Variants in PXDN observed in about 807,000 individuals in gnomAD.
PXDN encodes peroxidasin.
PXDN carries 77 observed loss-of-function variants against 140.3 expected under a neutral mutation model. The ratio of observed to expected loss-of-function variants is 0.55; its 90% CI spans 0.46 to 0.66. The LOEUF (loss-of-function observed/expected upper bound fraction) is 0.66. Ranked by LOEUF, PXDN falls within the 30% of genes least tolerant of loss-of-function variation. PXDN has a pLI of 0.00. For missense variants in PXDN, 1,838 were observed against 2,039.5 expected (o/e 0.90, Z 1.90); for synonymous variants, 911 against 857.4 (o/e 1.06, Z -1.09).
Position 1,661,957 on chromosome 2 carries a change from A to C in PXDN, c.1680+115T>G, listed in dbSNP as rs1379301092. 3 of 855,754 alleles carry C rather than the reference A, an allele frequency of 3.5e-6. No homozygotes were observed. In the East Asian group the frequency reaches 8.0e-5, roughly 23 times the overall value. The allele number at this position is 855,754 out of a possible 1,614,324, so 53.0% of individuals were successfully genotyped here. The stretch of plus-strand genomic sequence containing the variant: ...CCCATCATACCCCACAGCAGAGGGG[A>C]GGCTGGGGCGTGGGCACTGGTCCGC... On this transcript the variant is annotated intron_variant, in intron 13 of 22. Transcript: ENST00000252804.
intron 1 of PXDN, among the ~76,000 whole-genome samples, chr2:1,704,624 G>A (rs1345629415): frequency 2.5e-5 from 2 of 80,926 alleles, no homozygotes; most frequent in South Asian, 5.6e-4. Flanking sequence ...AGGTAAAGGG[G>A]GGGACAACTC....
chr2:1,724,735 A>G (rs1685136942), intron 1 of PXDN, among the ~76,000 whole-genome samples: 3 of 152,136 alleles, frequency 2.0e-5, no homozygotes, highest in Admixed American at 2.0e-4. Flanking sequence ...TTTTTATTCC[A>G]GTACTATAAT....
intron 1 of PXDN, among the ~76,000 whole-genome samples, chr2:1,740,036 T>C (rs1558534578): frequency 6.6e-6 from 1 of 152,162 alleles, no homozygotes; most frequent in Non-Finnish European, 1.5e-5. Context: ...AGGCTCCCAC[T>C]CACACCCGGG....
chr2:1,699,751 T>A (rs1473429283), intron 1 of PXDN, among the ~76,000 whole-genome samples: 1 of 152,130 alleles, frequency 6.6e-6, no homozygotes, highest in Non-Finnish European at 1.5e-5. Context: ...AAATAAGAGT[T>A]TGCCAATTTG....
intron 1 of PXDN, among the ~76,000 whole-genome samples, chr2:1,720,344 G>A (rs1281530627): frequency 1.8e-5 from 2 of 113,004 alleles, no homozygotes; most frequent in African/African-American, 6.5e-5. Flanking sequence ...AGGGAGGGAT[G>A]CAGAGAGAGG....
chr2:1,635,376 T>C, intron 22 of PXDN, 32 bp downstream of exon 22: 1 of 1,535,020 alleles, frequency 6.5e-7, no homozygotes, highest in South Asian at 1.2e-5. Context: ...GCGTATACCT[T>C]AGGACATGAA....
chr2:1,672,501 T>C (rs1023836276), intron 9 of PXDN, among the ~76,000 whole-genome samples: 2 of 152,260 alleles, frequency 1.3e-5, no homozygotes, highest in East Asian at 1.9e-4. Context: ...AGCGGCTGTG[T>C]CTTAACTTCT....
chr2:1,640,667 A>C (rs935442334), intron 19 of PXDN, among the ~76,000 whole-genome samples: 1 of 152,146 alleles, frequency 6.6e-6, no homozygotes, highest in African/African-American at 2.4e-5. Flanking sequence ...GAGTTTCTTA[A>C]AACTCCTGGG....
At chr2:1,664,811 C>T (rs764775744) in intron 11 of PXDN, 147 bp downstream of exon 11, 28 of 685,074 alleles carry the variant, frequency 4.1e-5, no homozygotes, top group African/African-American at 3.0e-4. Context: ...GACACCTCTG[C>T]GCTTCCCAGT....
intron 1 of PXDN, among the ~76,000 whole-genome samples, chr2:1,743,438 G>A (rs1685594499): frequency 6.6e-6 from 1 of 152,074 alleles, no homozygotes; most frequent in South Asian, 2.1e-4. Context: ...CCGGGCGCAG[G>A]AAAAGCCCCT....
chr2:1,735,971 A>G (rs1685417222), intron 1 of PXDN, among the ~76,000 whole-genome samples: 1 of 152,226 alleles, frequency 6.6e-6, no homozygotes, highest in South Asian at 2.1e-4. Flanking sequence ...CTCCATCAGC[A>G]TTTGATGCTT....
At chr2:1,682,351 A>G (rs1683926652) in intron 6 of PXDN, among the ~76,000 whole-genome samples, 1 of 150,652 alleles carries the variant, frequency 6.6e-6, no homozygotes, top group African/African-American at 2.5e-5. Flanking sequence ...TCCTAAAGGA[A>G]AAAAAAAATC....
chr2:1,663,726 C>T lies in PXDN; in HGVS notation c.1446G>A (p.Leu482=), dbSNP rs1683363703. The T allele has an allele frequency of 6.2e-7, 1 of 1,613,440 alleles. No homozygotes were observed. The highest frequency in any genetic ancestry group is 8.5e-7 in the Non-Finnish European group (1 of 1,179,916). ...CAGAGATTCTAAGTGTTCCCGATGA[C>T]AGGACCAGGTGCCGCCGGTCCACGG... ...QLSVDRRHLV[L]SSGTLRISGV... Residue 482 remains leucine (L), a synonymous_variant, in exon 12 of 23, where the codon CTG becomes CTA. Transcript: ENST00000252804.
rs1683013169 is a variant in PXDN at position 1,651,503 on chromosome 2, C to A, written c.2105-1828G>T. Among the ~76,000 whole-genome samples, 1 of 152,232 alleles carries A rather than the reference C, an allele frequency of 6.6e-6. No individual in the cohort carries two copies. Among genetic ancestry groups the A allele is most frequent in the South Asian group, 2.1e-4 (1 of 4,828 alleles). ...CTAAGGTTCCCATTTCATACACAGC[C>A]AACGACATATCCTTATATTCGCTCC... On this transcript the variant is annotated intron_variant, in intron 16 of 22. Transcript: ENST00000252804. This position sits in a 1 kb window ranked among gnomAD's most constrained non-coding sequence, Gnocchi z 4.4.
intron 18 of PXDN, 24 bp downstream of exon 18, chr2:1,644,594 C>G (rs939168651): frequency 6.4e-7 from 1 of 1,573,270 alleles, no homozygotes; most frequent in African/African-American, 1.4e-5. Context: ...GGAGCGTGCT[C>G]CCCTTTCTGG....
chr2:1,702,787 C>T (rs541705894), intron 1 of PXDN, among the ~76,000 whole-genome samples: 11 of 152,150 alleles, frequency 7.2e-5, no homozygotes, highest in African/African-American at 2.6e-4. Flanking sequence ...CGCCACTACG[C>T]CCAGCTAATT....
chr2:1,739,990 C>G (rs4853837), intron 1 of PXDN, among the ~76,000 whole-genome samples: 1 of 152,122 alleles, frequency 6.6e-6, no homozygotes, highest in Non-Finnish European at 1.5e-5. Flanking sequence ...TCCCAGCAGA[C>G]GCATCTGCAC....
intron 9 of PXDN, among the ~76,000 whole-genome samples, chr2:1,672,970 T>G (rs923875669): frequency 5.3e-5 from 8 of 152,144 alleles, no homozygotes; most frequent in Non-Finnish European, 7.3e-5. Context: ...TCCAGAGGCA[T>G]GAACTGATCT....
At position 1,648,074 on chromosome 2, in the gene PXDN, C is replaced by A; in HGVS notation, c.3608+98G>T. ...TCATCTCACCTCTGCACGACACGAA[C>A]AAAACTCACACACAGAGACAAATAA... is the stretch of plus-strand genomic sequence containing the variant. On this transcript the variant is annotated intron_variant, in intron 17 of 22. Transcript: ENST00000252804. The surrounding 1 kb of genome is among the most constrained non-coding windows in gnomAD (Gnocchi z 8.9). 6.8e-7 allele frequency: 1 copy of A among 1,477,242 alleles called. No homozygotes were observed. The highest frequency in any genetic ancestry group is 9.2e-7 in the Non-Finnish European group (1 of 1,086,836). 91.5% of individuals were successfully genotyped at this position (1,477,242 alleles called of 1,614,324 possible). A position where few individuals can be genotyped will look rare whatever the true frequency, so the allele number is the denominator to read the frequency against.
Sources: allele counts gnomAD v4.1 joint callset (sites outside exome capture counted in the v4.1 genomes callset), GRCh38; gene constraint gnomAD v4.1.1; non-coding constraint Gnocchi (gnomAD v3.1); transcripts MANE v1.5; gene names NCBI Gene and HGNC (gene_info 2026-07-23, HGNC 2026-07-21).